Variants in CNTN5 observed in about 807,000 individuals in gnomAD.
CNTN5 encodes the protein contactin 5.
CNTN5 carries 77 observed loss-of-function variants against 129.1 expected under a neutral mutation model. That is an observed-to-expected ratio of 0.60 (90% CI 0.50 to 0.72). The LOEUF is 0.72. Ranked by LOEUF, CNTN5 falls within the 30% of genes least tolerant of loss-of-function variation. The pLI is 0.00. For synonymous variants in CNTN5, 509 were observed against 465.6 expected (o/e 1.09, Z -1.20); for missense variants, 1,478 against 1,328.8 (o/e 1.11, Z -1.75).
At chr11:99,409,620 T>C (rs1942298123) in intron 2 of CNTN5, among the ~76,000 whole-genome samples, 1 of 152,184 alleles carries the variant, frequency 6.6e-6, no homozygotes, top group East Asian at 1.9e-4. Flanking sequence ...GTGGTGATGA[T>C]GAAGAAACAA....
intron 3 of CNTN5, among the ~76,000 whole-genome samples, chr11:99,592,973 G>A (rs2135673095): frequency 6.6e-6 from 1 of 152,132 alleles, no homozygotes; most frequent in Admixed American, 6.5e-5. Context: ...AAATGTGAGA[G>A]AAAAAGGGAG....
At chr11:99,995,246 C>T (rs1260694649) in intron 8 of CNTN5, among the ~76,000 whole-genome samples, 6 of 151,648 alleles carry the variant, frequency 4.0e-5, no homozygotes, top group Non-Finnish European at 5.9e-5. Flanking sequence ...ACAGACTAGA[C>T]ATTCAGTGAA....
Position 99,077,958 on chromosome 11 carries a change from A to T in CNTN5, c.-210+56688A>T, listed in dbSNP as rs531941392. On this transcript the variant is annotated intron_variant, in intron 1 of 24. Coordinates refer to ENST00000524871, the MANE Select transcript of CNTN5 (RefSeq NM_014361.4). The stretch of plus-strand genomic sequence containing the variant: ...TCTTTATAGCAGTATGAAAATGGAC[A>T]AATACAGCAAGATTACCCTTAAGCT... 2.0e-5 allele frequency among the ~76,000 whole-genome samples: 3 copies of T among 152,278 alleles called. No homozygotes were observed. The East Asian group carries it at 5.8e-4, about 29-fold the overall frequency.
intron 4 of CNTN5, among the ~76,000 whole-genome samples, chr11:99,841,568 T>C (rs531986969): frequency 1.1e-4 from 17 of 149,956 alleles, no homozygotes; most frequent in Non-Finnish European, 1.8e-4. Flanking sequence ...ATAAGTATAA[T>C]AAGAGTGAGA....
intron 3 of CNTN5, among the ~76,000 whole-genome samples, chr11:99,650,115 C>T (rs1279994942): frequency 1.3e-5 from 2 of 151,862 alleles, no homozygotes; most frequent in African/African-American, 2.4e-5. Flanking sequence ...ATGAAAGCTA[C>T]TTCTGTAATA....
At chr11:99,960,876 G>A (rs1950923351) in intron 8 of CNTN5, among the ~76,000 whole-genome samples, 1 of 151,966 alleles carries the variant, frequency 6.6e-6, no homozygotes, top group African/African-American at 2.4e-5. Context: ...AAATAATGAG[G>A]AGAAGGTAGA....
intron 3 of CNTN5, among the ~76,000 whole-genome samples, chr11:99,711,373 CTTACTT>C (rs1027917140): frequency 3.3e-5 from 5 of 151,844 alleles, no homozygotes; most frequent in African/African-American, 9.7e-5. Flanking sequence ...TATTACCTAA[CTTACTT>C]TTACTTAGAA....
intron 2 of CNTN5, among the ~76,000 whole-genome samples, chr11:99,514,452 G>A (rs1223507070): frequency 1.3e-5 from 2 of 151,938 alleles, no homozygotes; most frequent in Admixed American, 6.6e-5. Context: ...GCATGCTACC[G>A]AGAAATCTTT....
chr11:99,404,827 A>T (rs564824126), intron 2 of CNTN5, among the ~76,000 whole-genome samples: 1 of 152,026 alleles, frequency 6.6e-6, no homozygotes, highest in South Asian at 2.1e-4. Flanking sequence ...GTACCTTCAG[A>T]TGATTTCTTA....
intron 16 of CNTN5, among the ~76,000 whole-genome samples, chr11:100,239,621 T>C (rs756388247): frequency 9.2e-5 from 14 of 152,120 alleles, no homozygotes; most frequent in Non-Finnish European, 1.8e-4. Context: ...CCAATGACAC[T>C]AAAAGATTTG....
rs1228544100 is a variant in CNTN5 at position 99,907,564 on chromosome 11, A to G, written c.578-8490A>G. Among the ~76,000 whole-genome samples the G allele has an allele frequency of 2.0e-5, 3 of 151,786 alleles. No individual in the cohort carries two copies. The East Asian group carries it at 5.8e-4, about 29-fold the overall frequency. ...ACAAAGATTGGGGCTGTATACATATATTATTAAAAATATTTTTACTTTATT... is the reference window on the plus strand; with the variant it reads ...ACAAAGATTGGGGCTGTATACATATGTTATTAAAAATATTTTTACTTTATT... On this transcript the variant is annotated intron_variant, in intron 6 of 24. Transcript: ENST00000524871.
intron 1 of CNTN5, among the ~76,000 whole-genome samples, chr11:99,028,443 A>G (rs1250736254): frequency 1.5e-4 from 23 of 151,878 alleles, no homozygotes. Context: ...TATGTGACTA[A>G]GATACAGATT....
chr11:99,945,603 T>G (rs1950538582), intron 7 of CNTN5, among the ~76,000 whole-genome samples: 1 of 151,818 alleles, frequency 6.6e-6, no homozygotes, highest in South Asian at 2.1e-4. Flanking sequence ...TTTTCTGAAA[T>G]TTCCCACAAA....
intron 1 of CNTN5, among the ~76,000 whole-genome samples, chr11:99,037,895 C>T (rs187239641): frequency 1.3e-4 from 20 of 152,116 alleles, no homozygotes; most frequent in African/African-American, 4.6e-4. Flanking sequence ...CTTTTCCTAT[C>T]AGGAGATTGC....
At chr11:99,929,798 C>A (rs890095848) in intron 7 of CNTN5, among the ~76,000 whole-genome samples, 1 of 152,096 alleles carries the variant, frequency 6.6e-6, no homozygotes, top group Non-Finnish European at 1.5e-5. Flanking sequence ...ACAGTCAAAC[C>A]ATATCACCTA....
intron 6 of CNTN5, among the ~76,000 whole-genome samples, chr11:99,896,662 A>T (rs1949214998): frequency 1.3e-5 from 2 of 152,064 alleles, no homozygotes; most frequent in African/African-American, 2.4e-5. Flanking sequence ...GCTTCCATTG[A>T]TTCTGCCCCT....
intron 1 of CNTN5, among the ~76,000 whole-genome samples, chr11:99,194,844 A>G (rs114221214): frequency 0.049 from 7,494 of 152,192 alleles, 613 homozygotes; most frequent in African/African-American, 0.17. Context: ...AGCTCAGGCA[A>G]TCCACCCGCC....
intron 3 of CNTN5, among the ~76,000 whole-genome samples, chr11:99,574,918 A>C (rs2135588574): frequency 6.6e-6 from 1 of 152,210 alleles, no homozygotes. Context: ...TTTAGTCAGA[A>C]ATGACTTCTT....
At chr11:100,205,402 T>C (rs912079156) in intron 15 of CNTN5, among the ~76,000 whole-genome samples, 8 of 152,068 alleles carry the variant, frequency 5.3e-5, no homozygotes, top group East Asian at 3.9e-4. Context: ...ATCTCAAATA[T>C]GTTTTCTCTC....
Sources: allele counts gnomAD v4.1 joint callset (sites outside exome capture counted in the v4.1 genomes callset), GRCh38; gene constraint gnomAD v4.1.1; transcripts MANE v1.5; gene names NCBI Gene and HGNC (gene_info 2026-07-23, HGNC 2026-07-21).